STAG1: variants seen among roughly 807,000 people sequenced by gnomAD.
STAG1 encodes cohesin subunit SA-1.
A neutral mutation model predicts 170.9 loss-of-function variants in STAG1; 26 were observed. The ratio of observed to expected loss-of-function variants is 0.15; its 90% CI spans 0.11 to 0.21. The LOEUF is 0.21. Among genes scored for constraint, STAG1 ranks in the 10% least tolerant of loss-of-function variants. The probability of loss-of-function intolerance (pLI) is 1.00; values close to 1 mark genes in which losing one functional copy is unlikely to be tolerated. For synonymous variants in STAG1, 514 were observed against 497.7 expected (o/e 1.03, Z -0.44); for missense variants, 964 against 1,509.5 (o/e 0.64, Z 5.99).
chr3:136,725,913 T>A (rs903531292), intron 1 of STAG1, among the ~76,000 whole-genome samples: 1 of 152,222 alleles, frequency 6.6e-6, no homozygotes, highest in African/African-American at 2.4e-5. Context: ...AATTATTAGT[T>A]AGAAACCTGG....
rs1199199779 is a variant in STAG1 at position 136,560,363 on chromosome 3, CA to C, written c.394+8401del. Among the ~76,000 whole-genome samples the C allele has an allele frequency of 2.6e-5, 4 of 152,006 alleles. No homozygotes were observed. In the East Asian group the frequency reaches 7.7e-4, roughly 29 times the overall value. Reference sequence around the variant, plus strand: ...AAATTAGTTATGTTTAAGTACATACCAAAGTAAATATGTACGTGTATCAACA... The same window carrying C: ...AAATTAGTTATGTTTAAGTACATACCAAGTAAATATGTACGTGTATCAACA... On this transcript the variant is annotated intron_variant, in intron 5 of 33. Transcript: ENST00000383202.
intron 6 of STAG1, among the ~76,000 whole-genome samples, chr3:136,525,173 C>T (rs1273188550): frequency 6.6e-6 from 1 of 152,138 alleles, no homozygotes; most frequent in Non-Finnish European, 1.5e-5. Context: ...AGGAATGGTA[C>T]CAGCTCCTCT....
chr3:136,533,771 AC>A (rs376530698), intron 6 of STAG1, among the ~76,000 whole-genome samples: 6 of 152,298 alleles, frequency 3.9e-5, no homozygotes, highest in African/African-American at 1.4e-4. Flanking sequence ...TTTAAAGGGG[AC>A]AAACATCCAA....
chr3:136,635,336 A>T (rs1940510326), intron 1 of STAG1, among the ~76,000 whole-genome samples: 1 of 152,172 alleles, frequency 6.6e-6, no homozygotes. Context: ...AATTAATATA[A>T]TACATCATAT....
chr3:136,453,859 A>C (rs1370116060), intron 13 of STAG1, among the ~76,000 whole-genome samples: 1 of 152,126 alleles, frequency 6.6e-6, no homozygotes, highest in Non-Finnish European at 1.5e-5. Context: ...AATGAGAATA[A>C]TTTCATGTGA....
chr3:136,731,872 T>C (rs1375785947), intron 1 of STAG1, among the ~76,000 whole-genome samples: 1 of 152,196 alleles, frequency 6.6e-6, no homozygotes, highest in Non-Finnish European at 1.5e-5. Context: ...TGTGCACTTA[T>C]CAGCTAGTGG....
At chr3:136,419,962 G>C (rs1365077220) in intron 20 of STAG1, among the ~76,000 whole-genome samples, 1 of 151,916 alleles carries the variant, frequency 6.6e-6, no homozygotes, top group African/African-American at 2.4e-5. Flanking sequence ...GTAATTAAAT[G>C]ATAGGCCAGG....
chr3:136,401,578 G>A (rs1482249125), intron 21 of STAG1, among the ~76,000 whole-genome samples: 3 of 151,840 alleles, frequency 2.0e-5, no homozygotes, highest in Non-Finnish European at 4.4e-5. Context: ...ATGGGTAGTG[G>A]TTTTAATTTA....
At chr3:136,690,633 A>T (rs1037923096) in intron 1 of STAG1, among the ~76,000 whole-genome samples, 2 of 152,148 alleles carry the variant, frequency 1.3e-5, no homozygotes, top group African/African-American at 2.4e-5. Flanking sequence ...CACAATCATT[A>T]AGGTGGAGGG....
intron 13 of STAG1, among the ~76,000 whole-genome samples, chr3:136,460,684 C>T (rs2089248677): frequency 1.3e-5 from 2 of 148,274 alleles, no homozygotes; most frequent in South Asian, 4.2e-4. Flanking sequence ...ATAAAGTCTC[C>T]CCCCCCAAAA....
At chr3:136,644,405 C>T (rs945057044) in intron 1 of STAG1, among the ~76,000 whole-genome samples, 1 of 152,158 alleles carries the variant, frequency 6.6e-6, no homozygotes, top group Non-Finnish European at 1.5e-5. Context: ...CTGCCCAAGG[C>T]AATCATCTTG....
rs192240929 is a variant in STAG1 at position 136,472,639 on chromosome 3, C to T, written c.1126-147G>A. On this transcript the variant is annotated intron_variant, in intron 11 of 33. Transcript: ENST00000383202. Reference sequence around the variant, plus strand: ...CTCTTGAAACTGCAGTATTGTAGTCCTACTCACACAAAGGGGATGTTAGTA... The same window carrying T: ...CTCTTGAAACTGCAGTATTGTAGTCTTACTCACACAAAGGGGATGTTAGTA... 1.1e-4 allele frequency: 57 copies of T among 534,540 alleles called. No homozygotes were observed. In the African/African-American group the frequency reaches 1.1e-3, roughly 10 times the overall value. The allele number at this position is 534,540 out of a possible 1,614,324, so 33.1% of individuals were successfully genotyped here. A position where few individuals can be genotyped will look rare whatever the true frequency, so the allele number is the denominator to read the frequency against.
chr3:136,619,878 C>A (rs1165522667), intron 3 of STAG1, among the ~76,000 whole-genome samples: 1 of 150,828 alleles, frequency 6.6e-6, no homozygotes, highest in Non-Finnish European at 1.5e-5. Context: ...CCAGCCTGGA[C>A]AACATAGTGA....
chr3:136,660,009 T>A (rs767131322), intron 1 of STAG1, among the ~76,000 whole-genome samples: 10 of 152,116 alleles, frequency 6.6e-5, no homozygotes, highest in Non-Finnish European at 1.0e-4. Context: ...CAAAACCCCA[T>A]CTCTATAAAA....
At chr3:136,699,605 T>A (rs1167893060) in intron 1 of STAG1, among the ~76,000 whole-genome samples, 1 of 151,646 alleles carries the variant, frequency 6.6e-6, no homozygotes, top group Non-Finnish European at 1.5e-5. Context: ...ATTACCAGGG[T>A]GAGACATGTC....
intron 13 of STAG1, among the ~76,000 whole-genome samples, chr3:136,456,466 G>A (rs951459703): frequency 1.3e-5 from 2 of 151,996 alleles, no homozygotes; most frequent in Non-Finnish European, 2.9e-5. Flanking sequence ...CTAGTCAGAA[G>A]AGCAAAAAGA....
At chr3:136,737,116 G>A in intron 1 of STAG1, 1 of 854,674 alleles carries the variant, frequency 1.2e-6, no homozygotes, top group East Asian at 2.4e-5. Context: ...CTTTCAATCT[G>A]ATTTTTTCAC....
At chr3:136,415,579 T>C (rs1390350616) in intron 21 of STAG1, among the ~76,000 whole-genome samples, 1 of 152,212 alleles carries the variant, frequency 6.6e-6, no homozygotes, top group Non-Finnish European at 1.5e-5. Flanking sequence ...GGCTCATGCC[T>C]GAAATCCCAA....
At chr3:136,474,718 A>T (rs1482078251) in intron 10 of STAG1, among the ~76,000 whole-genome samples, 1 of 152,232 alleles carries the variant, frequency 6.6e-6, no homozygotes, top group Non-Finnish European at 1.5e-5. Flanking sequence ...CACACAAGCG[A>T]AAGCTGAAGT....
Sources: gnomAD v4.1 joint callset for allele counts (sites outside exome capture counted in the v4.1 genomes callset) on GRCh38, gnomAD v4.1.1 for gene constraint, MANE v1.5 for transcripts, NCBI Gene and HGNC (gene_info 2026-07-23, HGNC 2026-07-21) for gene names.